Variants in MARCHF1 observed in about 807,000 individuals in gnomAD.
MARCHF1 encodes the protein E3 ubiquitin-protein ligase MARCHF1.
Under a neutral mutation model 54.2 loss-of-function variants are expected in MARCHF1, and 40 were observed. That is an observed-to-expected ratio of 0.74 (90% CI 0.57 to 0.96). The LOEUF is 0.96. Ranked by LOEUF, MARCHF1 falls within the 40% of genes least tolerant of loss-of-function variation. MARCHF1 has a pLI of 0.00. For synonymous variants in MARCHF1, 236 were observed against 236.3 expected (o/e 1.00, Z 0.01); for missense variants, 586 against 656.5 (o/e 0.89, Z 1.17).
intron 1 of MARCHF1, among the ~76,000 whole-genome samples, chr4:164,114,433 C>T (rs528677728): frequency 6.6e-6 from 1 of 151,692 alleles, no homozygotes; most frequent in Non-Finnish European, 1.5e-5. Flanking sequence ...TTAGCATTTA[C>T]CCATTAATAA....
At chr4:164,209,024 TTATA>T (rs1450548396) in intron 1 of MARCHF1, among the ~76,000 whole-genome samples, 7 of 149,658 alleles carry the variant, frequency 4.7e-5, no homozygotes, top group Non-Finnish European at 3.0e-5. Context: ...TACATATTTA[TTATA>T]TATATTATAT....
intron 5 of MARCHF1, among the ~76,000 whole-genome samples, chr4:163,673,420 A>C (rs940605858): frequency 1.3e-5 from 2 of 152,258 alleles, no homozygotes; most frequent in Admixed American, 6.5e-5. Context: ...TTATTTTGTT[A>C]TTCTTTTTCT....
At chr4:163,906,042 T>A (rs1424464629) in intron 3 of MARCHF1, among the ~76,000 whole-genome samples, 1 of 152,090 alleles carries the variant, frequency 6.6e-6, no homozygotes, top group African/African-American at 2.4e-5. Flanking sequence ...ACCAAATTTC[T>A]GGTATTCTAC....
At chr4:164,110,677 T>C (rs1304469652) in intron 2 of MARCHF1, among the ~76,000 whole-genome samples, 1 of 148,600 alleles carries the variant, frequency 6.7e-6, no homozygotes, top group Non-Finnish European at 1.5e-5. Context: ...TCATATTTTT[T>C]TTCTCTTGTG....
chr4:163,781,215 G>A (rs912228790), intron 4 of MARCHF1, among the ~76,000 whole-genome samples: 1 of 152,008 alleles, frequency 6.6e-6, no homozygotes, highest in Non-Finnish European at 1.5e-5. Context: ...GCCAGGCGTG[G>A]TGGCAGATGG....
chr4:163,849,328 T>G (rs1749578015), intron 4 of MARCHF1, among the ~76,000 whole-genome samples: 1 of 148,790 alleles, frequency 6.7e-6, no homozygotes, highest in Admixed American at 6.8e-5. Flanking sequence ...GTAAAACACT[T>G]AGAAAAGTTC....
chr4:163,889,627 G>T (rs551257002), intron 3 of MARCHF1, among the ~76,000 whole-genome samples: 1 of 152,208 alleles, frequency 6.6e-6, no homozygotes, highest in Admixed American at 6.5e-5. Context: ...TCAGATTATA[G>T]TCTCATTGCC....
chr4:164,123,371 A>G (rs1560915169), intron 1 of MARCHF1, among the ~76,000 whole-genome samples: 1 of 152,118 alleles, frequency 6.6e-6, no homozygotes, highest in Non-Finnish European at 1.5e-5. Flanking sequence ...TTGTTAAAAT[A>G]CCCATACTAC....
intron 5 of MARCHF1, among the ~76,000 whole-genome samples, chr4:163,638,166 G>C (rs1165072518): frequency 6.7e-6 from 1 of 149,382 alleles, no homozygotes; most frequent in Non-Finnish European, 1.5e-5. Flanking sequence ...TGGGTGCAGC[G>C]CACCAGCATG....
At chr4:163,556,674 A>G (rs563840409) in intron 8 of MARCHF1, among the ~76,000 whole-genome samples, 1 of 152,164 alleles carries the variant, frequency 6.6e-6, no homozygotes, top group South Asian at 2.1e-4. Flanking sequence ...CTCCAGTTTA[A>G]ATGAGAGCCT....
intron 8 of MARCHF1, among the ~76,000 whole-genome samples, chr4:163,557,014 C>T (rs963372555): frequency 4.6e-5 from 7 of 151,800 alleles, no homozygotes; most frequent in South Asian, 2.1e-4. Flanking sequence ...TCAAAGAAAT[C>T]GGAGACATTT....
At position 163,759,185 on chromosome 4, in the gene MARCHF1, C is replaced by CTT. The variant is rs140017441; in HGVS notation, c.112-58324_112-58323dup. ...GTGTAAGGGTTTGGAAAGTAGAGACCTTTTTTTTTTAATGGTATATTGGTT... is the reference window on the plus strand; with the variant it reads ...GTGTAAGGGTTTGGAAAGTAGAGACCTTTTTTTTTTTTAATGGTATATTGGTT... On this transcript the variant is annotated intron_variant, in intron 4 of 9. Coordinates refer to ENST00000514618, the MANE Select transcript of MARCHF1 (RefSeq NM_001394959.1). Among the ~76,000 whole-genome samples, 639 of 145,332 alleles carry CTT rather than the reference C, an allele frequency of 4.4e-3. 5 individuals carry two copies. Among genetic ancestry groups the CTT allele is most frequent in the African/African-American group, 0.015 (618 of 40,144 alleles).
In MARCHF1 at chr4:164,077,964, G is replaced by A. The variant is rs528855080; in HGVS notation, c.-248+33624C>T. ...TAAAGTAGTTCAACCATTGTGGAAG[G>A]CAGTGTGGTGATTCCTCAAGGACCT... On this transcript the variant is annotated intron_variant, in intron 2 of 9. Transcript: ENST00000514618. Among the ~76,000 whole-genome samples, 28 of 152,224 alleles carry A rather than the reference G, an allele frequency of 1.8e-4. No individual in the cohort carries two copies. The East Asian group carries it at 5.2e-3, about 28-fold the overall frequency.
intron 3 of MARCHF1, among the ~76,000 whole-genome samples, chr4:163,953,166 T>C (rs562401952): frequency 6.6e-6 from 1 of 152,246 alleles, no homozygotes; most frequent in African/African-American, 2.4e-5. Context: ...AAACAAATAT[T>C]GCATTATTTG....
intron 4 of MARCHF1, among the ~76,000 whole-genome samples, chr4:163,844,603 T>C (rs1749433735): frequency 6.6e-6 from 1 of 152,200 alleles, no homozygotes; most frequent in African/African-American, 2.4e-5. Context: ...TGATTCAATA[T>C]AGAGTAGCCA....
chr4:163,684,206 G>A (rs1744198272), intron 5 of MARCHF1, among the ~76,000 whole-genome samples: 1 of 152,142 alleles, frequency 6.6e-6, no homozygotes, highest in South Asian at 2.1e-4. Flanking sequence ...GGAACATAGG[G>A]CCCTCCAATT....
At chr4:164,167,082 G>A (rs1218771135) in intron 1 of MARCHF1, among the ~76,000 whole-genome samples, 2 of 151,558 alleles carry the variant, frequency 1.3e-5, no homozygotes, top group Admixed American at 1.3e-4. Flanking sequence ...TCAATATAAT[G>A]AGATAGCATT....
At chr4:163,579,611 A>G (rs957849756) in intron 8 of MARCHF1, among the ~76,000 whole-genome samples, 1 of 152,234 alleles carries the variant, frequency 6.6e-6, no homozygotes, top group African/African-American at 2.4e-5. Context: ...TTTGAAAACA[A>G]AATCATTTCC....
intron 2 of MARCHF1, among the ~76,000 whole-genome samples, chr4:164,045,437 G>A (rs1754221580): frequency 6.6e-6 from 1 of 151,846 alleles, no homozygotes; most frequent in Non-Finnish European, 1.5e-5. Context: ...GCTTGAACCT[G>A]GGAGGTGGTG....
Sources: allele counts gnomAD v4.1 joint callset (sites outside exome capture counted in the v4.1 genomes callset), GRCh38; gene constraint gnomAD v4.1.1; transcripts MANE v1.5; gene names NCBI Gene and HGNC (gene_info 2026-07-23, HGNC 2026-07-21).